The following SAMD4A variants were observed in gnomAD, a reference collection of about 807,000 sequenced individuals.
SAMD4A encodes the protein protein Smaug homolog 1.
Under a neutral mutation model 81.3 loss-of-function variants are expected in SAMD4A, and 33 were observed. The observed-to-expected ratio is 0.41, with a 90% CI of 0.31 to 0.54. The LOEUF is 0.54. Ranked by LOEUF, SAMD4A falls within the 20% of genes least tolerant of loss-of-function variation. SAMD4A has a pLI of 0.37. For missense variants in SAMD4A, 854 were observed against 951.1 expected, an observed-to-expected ratio of 0.90 and a Z score of 1.34; for synonymous variants, 389 against 382.1, an observed-to-expected ratio of 1.02 and a Z score of -0.21.
chr14:54,600,898 C>A (rs2034035816), intron 2 of SAMD4A, among the ~76,000 whole-genome samples: 1 of 152,212 alleles, frequency 6.6e-6, no homozygotes, highest in Non-Finnish European at 1.5e-5. Context: ...CACCAGCAAA[C>A]AGCATGCTTA....
chr14:54,599,482 G>C (rs2033998439), intron 2 of SAMD4A, among the ~76,000 whole-genome samples: 1 of 152,072 alleles, frequency 6.6e-6, no homozygotes, highest in African/African-American at 2.4e-5. Context: ...TGCCCTATGA[G>C]ATTTTAAAAA....
At chr14:54,785,572 C>T (rs2039119360) in intron 12 of SAMD4A, among the ~76,000 whole-genome samples, 8 of 152,178 alleles carry the variant, frequency 5.3e-5, no homozygotes, top group Admixed American at 5.2e-4. Context: ...TAGCCCTATC[C>T]AGTCTAGACA....
At chr14:54,620,493 C>G (rs1421200646) in intron 2 of SAMD4A, among the ~76,000 whole-genome samples, 1 of 152,038 alleles carries the variant, frequency 6.6e-6, no homozygotes, top group Non-Finnish European at 1.5e-5. Flanking sequence ...GGCTGTAGAC[C>G]CAGAAGATCT....
intron 9 of SAMD4A, 120 bp from the exon 10 acceptor site, chr14:54,774,813 CA>C (rs546617416): frequency 0.2 from 125,687 of 625,556 alleles, 1,685 homozygotes; most frequent in Non-Finnish European, 0.21. Flanking sequence ...GACCCTGACT[CA>C]AAAAAAAAAA....
chr14:54,760,518 T>C, intron 7 of SAMD4A, 24 bp downstream of exon 7: 1 of 1,381,628 alleles, frequency 7.2e-7, no homozygotes, highest in Non-Finnish European at 9.3e-7. Context: ...CGCCCATTTC[T>C]TTTTTCTTCT....
At chr14:54,582,818 G>A (rs1042053515) in intron 2 of SAMD4A, among the ~76,000 whole-genome samples, 2 of 152,168 alleles carry the variant, frequency 1.3e-5, no homozygotes, top group Non-Finnish European at 2.9e-5. Context: ...TTAGGGATGA[G>A]GACTTACTGC....
At chr14:54,684,522 G>T (rs576425300) in intron 2 of SAMD4A, among the ~76,000 whole-genome samples, 1 of 152,132 alleles carries the variant, frequency 6.6e-6, no homozygotes, top group Admixed American at 6.5e-5. Context: ...CCTGCACACC[G>T]TACCATGAAG....
At chr14:54,613,447 T>C (rs559371805) in intron 2 of SAMD4A, among the ~76,000 whole-genome samples, 1 of 152,326 alleles carries the variant, frequency 6.6e-6, no homozygotes, top group Non-Finnish European at 1.5e-5. Flanking sequence ...ACAGTCCTGA[T>C]GTAATAAAAA....
At chr14:54,684,520 C>A (rs1441397715) in intron 2 of SAMD4A, among the ~76,000 whole-genome samples, 2 of 152,340 alleles carry the variant, frequency 1.3e-5, no homozygotes, top group African/African-American at 2.4e-5. Flanking sequence ...GCCCTGCACA[C>A]CGTACCATGA....
chr14:54,739,833 G>A (rs1006882361), intron 4 of SAMD4A, among the ~76,000 whole-genome samples: 1 of 152,192 alleles, frequency 6.6e-6, no homozygotes, highest in Non-Finnish European at 1.5e-5. Flanking sequence ...GTGTCTAAGA[G>A]CAGGTGCTGG....
rs563637926 is a variant in SAMD4A at position 54,763,809 on chromosome 14, G to A, written c.1511-646G>A. 9.7e-4 allele frequency among the ~76,000 whole-genome samples: 147 copies of A among 152,314 alleles called. 1 individual carries two copies. Among genetic ancestry groups the A allele is most frequent in the Middle Eastern group, 3.4e-3 (1 of 294 alleles). On this transcript the variant is annotated intron_variant, in intron 7 of 12. Transcript: ENST00000554335. ...GTAACATGGCCGTGAGAAACCTAGT[G>A]CGTGTGTATACTCTACCCGCAGACT...
At position 54,673,643 on chromosome 14, in the gene SAMD4A, G is replaced by A. The variant is rs940744803; in HGVS notation, c.197-28419G>A. Among the ~76,000 whole-genome samples the A allele has an allele frequency of 1.1e-4, 17 of 152,326 alleles. 1 individual carries two copies. The highest frequency in any genetic ancestry group is 3.4e-4 in the African/African-American group (14 of 41,580). On this transcript the variant is annotated intron_variant, in intron 2 of 12. Transcript: ENST00000554335. ...CATCACTGGGACAAAGCTGTCTACCGAAGCCCTGGGTCCTGTGGGCAGGGG... is the reference window on the plus strand; with the variant it reads ...CATCACTGGGACAAAGCTGTCTACCAAAGCCCTGGGTCCTGTGGGCAGGGG...
At chr14:54,572,047 AT>A (rs1418662920) in intron 2 of SAMD4A, among the ~76,000 whole-genome samples, 1 of 152,184 alleles carries the variant, frequency 6.6e-6, no homozygotes, top group Non-Finnish European at 1.5e-5. Flanking sequence ...TTTTTCATTC[AT>A]TTATTCATTC....
At chr14:54,724,569 G>C (rs2037365213) in intron 3 of SAMD4A, among the ~76,000 whole-genome samples, 1 of 152,174 alleles carries the variant, frequency 6.6e-6, no homozygotes, top group Admixed American at 6.5e-5. Flanking sequence ...AAAGGACTGG[G>C]AACAGTGGGC....
Position 54,627,711 on chromosome 14 carries a change from G to A in SAMD4A, c.196+59599G>A, listed in dbSNP as rs190361484. On this transcript the variant is annotated intron_variant, in intron 2 of 12. Transcript: ENST00000554335. ...GCCCTCCTCCTGCTCCTTTAAACCAGTGGGAGATGAGAAAGCCGAAGCTTT... is the reference window on the plus strand; with the variant it reads ...GCCCTCCTCCTGCTCCTTTAAACCAATGGGAGATGAGAAAGCCGAAGCTTT... Among the ~76,000 whole-genome samples the A allele has an allele frequency of 2.6e-3, 389 of 152,340 alleles. 1 individual carries two copies. Among genetic ancestry groups the A allele is most frequent in the Non-Finnish European group, 3.1e-3 (210 of 68,030 alleles).
chr14:54,579,806 A>G (rs1409569189), intron 2 of SAMD4A, among the ~76,000 whole-genome samples: 1 of 152,200 alleles, frequency 6.6e-6, no homozygotes, highest in Non-Finnish European at 1.5e-5. Context: ...AGGAAAGCCT[A>G]AGGAATGTGT....
At chr14:54,660,680 G>GT (rs1348036828) in intron 2 of SAMD4A, among the ~76,000 whole-genome samples, 1 of 151,990 alleles carries the variant, frequency 6.6e-6, no homozygotes, top group Non-Finnish European at 1.5e-5. Flanking sequence ...CAACTTGAAA[G>GT]TTTAAAAAAA....
chr14:54,757,402 TG>T (rs2038270777), intron 6 of SAMD4A, among the ~76,000 whole-genome samples: 1 of 147,688 alleles, frequency 6.8e-6, no homozygotes, highest in African/African-American at 2.6e-5. Flanking sequence ...TGTGTGTGTG[TG>T]TGTGTGTGTG....
intron 2 of SAMD4A, among the ~76,000 whole-genome samples, chr14:54,631,555 G>C (rs138597661): frequency 1.3e-5 from 2 of 152,168 alleles, no homozygotes; most frequent in Admixed American, 1.3e-4. Flanking sequence ...GAGGGCTCCA[G>C]GTGGTCATTT....
Sources: gnomAD v4.1 joint callset for allele counts (sites outside exome capture counted in the v4.1 genomes callset) on GRCh38, gnomAD v4.1.1 for gene constraint, MANE v1.5 for transcripts, NCBI Gene and HGNC (gene_info 2026-07-23, HGNC 2026-07-21) for gene names.